Variants in CNTNAP5 observed in about 807,000 individuals in gnomAD.
The protein encoded by CNTNAP5 is contactin associated protein family member 5, also known as contactin-associated protein-like 5.
Under a neutral mutation model 150.2 loss-of-function variants are expected in CNTNAP5, and 72 were observed. The ratio of observed to expected loss-of-function variants is 0.48; its 90% CI spans 0.40 to 0.58. CNTNAP5 has a LOEUF of 0.58. Among genes scored for constraint, CNTNAP5 ranks in the 20% least tolerant of loss-of-function variants. The probability of loss-of-function intolerance (pLI) is 0.00; values close to 1 mark genes in which losing one functional copy is unlikely to be tolerated. For synonymous variants in CNTNAP5, 672 were observed against 619.8 expected (o/e 1.08, Z -1.25); for missense variants, 1,636 against 1,626.2 (o/e 1.01, Z -0.10).
intron 1 of CNTNAP5, among the ~76,000 whole-genome samples, chr2:124,033,829 C>A (rs1172425018): frequency 6.6e-6 from 1 of 151,826 alleles, no homozygotes; most frequent in Non-Finnish European, 1.5e-5. Flanking sequence ...CCTTCCAATT[C>A]ATATAGATAA....
At chr2:124,672,879 A>T (rs1573538407) in intron 13 of CNTNAP5, among the ~76,000 whole-genome samples, 1 of 152,178 alleles carries the variant, frequency 6.6e-6, no homozygotes, top group African/African-American at 2.4e-5. Flanking sequence ...AACTAAAAGC[A>T]CAAGGGATAA....
At chr2:124,525,948 T>C (rs1694956685) in intron 9 of CNTNAP5, among the ~76,000 whole-genome samples, 1 of 152,224 alleles carries the variant, frequency 6.6e-6, no homozygotes, top group African/African-American at 2.4e-5. Context: ...GGAACAAATG[T>C]ATTATAATGA....
chr2:124,553,108 G>A (rs1157374888), intron 10 of CNTNAP5, among the ~76,000 whole-genome samples: 1 of 152,196 alleles, frequency 6.6e-6, no homozygotes, highest in East Asian at 1.9e-4. Flanking sequence ...AAATGCCACT[G>A]TGTCCATGGC....
chr2:124,479,223 A>G (rs1693711316), intron 7 of CNTNAP5, among the ~76,000 whole-genome samples: 1 of 152,214 alleles, frequency 6.6e-6, no homozygotes, highest in Non-Finnish European at 1.5e-5. Flanking sequence ...AGTACCTGTA[A>G]TATGGATTAT....
intron 3 of CNTNAP5, among the ~76,000 whole-genome samples, chr2:124,335,384 C>A (rs1049768268): frequency 4.0e-5 from 6 of 151,478 alleles, no homozygotes; most frequent in Non-Finnish European, 8.8e-5. Flanking sequence ...TTGGCAGGAC[C>A]CAAAAATTGG....
chr2:124,264,746 G>T (rs116098755), intron 3 of CNTNAP5, among the ~76,000 whole-genome samples: 207 of 152,328 alleles, frequency 1.4e-3, no homozygotes, highest in African/African-American at 4.6e-3. Flanking sequence ...TTGCTCGCAT[G>T]CCAGAGGCAG....
chr2:124,289,818 G>A (rs552841336), intron 3 of CNTNAP5, among the ~76,000 whole-genome samples: 2 of 152,304 alleles, frequency 1.3e-5, no homozygotes, highest in South Asian at 4.1e-4. Flanking sequence ...ATTGCCTCTT[G>A]TGGGTCTGGC....
intron 9 of CNTNAP5, 133 bp downstream of exon 9, chr2:124,524,585 C>A (rs1694922835): frequency 2.6e-6 from 2 of 772,102 alleles, no homozygotes; most frequent in Admixed American, 5.4e-5. Context: ...CACACATGCA[C>A]ATACACACAC....
At chr2:124,718,906 CT>C (rs149879566) in intron 13 of CNTNAP5, among the ~76,000 whole-genome samples, 6,414 of 151,170 alleles carry the variant, frequency 0.042, 490 homozygotes, top group African/African-American at 0.15. Flanking sequence ...GATTATGCCA[CT>C]GCACTCCAGC....
At chr2:124,361,744 G>A (rs1192791722) in intron 3 of CNTNAP5, among the ~76,000 whole-genome samples, 3 of 151,846 alleles carry the variant, frequency 2.0e-5, no homozygotes, top group Admixed American at 2.0e-4. Flanking sequence ...AGTCTGCAGA[G>A]GTTACTACTG....
chr2:124,386,452 A>G (rs547020613), intron 3 of CNTNAP5, among the ~76,000 whole-genome samples: 1 of 152,354 alleles, frequency 6.6e-6, no homozygotes, highest in East Asian at 1.9e-4. Context: ...ATGCAGGGAT[A>G]GTGATGTTGC....
intron 1 of CNTNAP5, among the ~76,000 whole-genome samples, chr2:124,031,321 G>C (rs1046166129): frequency 1.3e-5 from 2 of 152,134 alleles, no homozygotes; most frequent in Non-Finnish European, 2.9e-5. Context: ...CAAGTGAAAG[G>C]ATGAGAGAAT....
chr2:124,582,477 A>G (rs1466789693), intron 11 of CNTNAP5, among the ~76,000 whole-genome samples: 2 of 152,212 alleles, frequency 1.3e-5, no homozygotes, highest in South Asian at 2.1e-4. Context: ...AAGGCAGGAT[A>G]AAGATCCCTG....
intron 2 of CNTNAP5, among the ~76,000 whole-genome samples, chr2:124,241,996 G>A (rs1026468542): frequency 1.3e-5 from 2 of 152,140 alleles, no homozygotes; most frequent in Non-Finnish European, 2.9e-5. Flanking sequence ...TCTGGCATGA[G>A]TCTTAAACCA....
chr2:124,102,670 C>T (rs920147627), intron 1 of CNTNAP5, among the ~76,000 whole-genome samples: 6 of 152,142 alleles, frequency 3.9e-5, no homozygotes, highest in Non-Finnish European at 7.4e-5. Flanking sequence ...AAGGAGTCTC[C>T]TCCTCCCGGG....
intron 4 of CNTNAP5, among the ~76,000 whole-genome samples, chr2:124,419,917 T>C (rs1191025320): frequency 8.0e-6 from 1 of 124,418 alleles, no homozygotes; most frequent in Non-Finnish European, 1.6e-5. Flanking sequence ...TCTTTCTTTC[T>C]TTCTTTCTTT....
At chr2:124,697,719 G>A (rs1206935160) in intron 13 of CNTNAP5, among the ~76,000 whole-genome samples, 1 of 151,900 alleles carries the variant, frequency 6.6e-6, no homozygotes, top group Non-Finnish European at 1.5e-5. Context: ...TGCAGACGCT[G>A]CCTGAGCAGA....
intron 13 of CNTNAP5, among the ~76,000 whole-genome samples, chr2:124,730,361 AT>A (rs1186801777): frequency 6.6e-6 from 1 of 151,872 alleles, no homozygotes; most frequent in African/African-American, 2.4e-5. Context: ...ATATATATAT[AT>A]ATCTGCAAAC....
At chr2:124,188,758 TGAGAGAGAGAAA>T (rs1462930377) in intron 1 of CNTNAP5, among the ~76,000 whole-genome samples, 1 of 128,994 alleles carries the variant, frequency 7.8e-6, no homozygotes, top group East Asian at 2.2e-4. Flanking sequence ...AGTGACAAAG[TGAGAGAGAGAAA>T]GAGAGAGAGA....
Sources: gnomAD v4.1 joint callset for allele counts (sites outside exome capture counted in the v4.1 genomes callset) on GRCh38, gnomAD v4.1.1 for gene constraint, MANE v1.5 for transcripts, NCBI Gene and HGNC (gene_info 2026-07-23, HGNC 2026-07-21) for gene names.